WIZ: variants seen among roughly 807,000 people sequenced by gnomAD.
WIZ encodes the protein WIZ zinc finger, also known as protein Wiz.
WIZ carries 25 observed loss-of-function variants against 140.2 expected under a neutral mutation model. That is an observed-to-expected ratio of 0.18 (90% CI 0.13 to 0.25). The LOEUF is 0.25. Among genes scored for constraint, WIZ ranks in the 10% least tolerant of loss-of-function variants. The probability of loss-of-function intolerance (pLI) is 1.00; values close to 1 mark genes in which losing one functional copy is unlikely to be tolerated. For synonymous variants in WIZ, 1,125 were observed against 1,154.3 expected, an observed-to-expected ratio of 0.97 and a Z score of 0.51; for missense variants, 2,231 against 2,632.6, an observed-to-expected ratio of 0.85 and a Z score of 3.34.
intron 10 of WIZ, 78 bp from the exon 11 acceptor site, chr19:15,425,110 T>A: frequency 6.6e-7 from 1 of 1,507,682 alleles, no homozygotes; most frequent in South Asian, 1.3e-5. Context: ...CCAGGCCAGG[T>A]GCCAATCCCG....
At position 15,429,667 on chromosome 19, in the gene WIZ, G is replaced by A; in HGVS notation, c.3334C>T (p.Pro1112Ser). The A allele has an allele frequency of 3.5e-6, 5 of 1,427,858 alleles. No homozygotes were observed. Among genetic ancestry groups the A allele is most frequent in the Non-Finnish European group, 3.7e-6 (4 of 1,094,074 alleles). 88.4% of individuals were successfully genotyped at this position (1,427,858 alleles called of 1,614,324 possible). Residue 1112 changes from proline (P) to serine (S), a missense_variant, in exon 7 of 13, where the codon CCC becomes TCC. This residue lies in a region of WIZ where 163 missense variants were observed against 166.8 expected (regional missense o/e 0.98). Coordinates refer to ENST00000673675, the MANE Select transcript of WIZ (RefSeq NM_001371589.1). Reference sequence around the variant, plus strand: ...GGCCGGGGGCTCAGGGACAGCTGGGGGCTCTTGTCCTCAGGATTCTTAGGG... The same window carrying A: ...GGCCGGGGGCTCAGGGACAGCTGGGAGCTCTTGTCCTCAGGATTCTTAGGG... The part of the protein sequence containing the change: ...PTPKNPEDKS[P>S]QLSLSPRPAS...
chr19:15,431,599 G>GCAGGGAGC (rs914073628), intron 5 of WIZ, among the ~76,000 whole-genome samples: 6 of 152,138 alleles, frequency 3.9e-5, no homozygotes, highest in African/African-American at 7.2e-5. Context: ...CCACACAGAG[G>GCAGGGAGC]CAGGGAGCCA....
rs1430700552 is a variant in WIZ at position 15,448,088 on chromosome 19, G to C, written c.205+15C>G. ...GCTGGATGCTCCCTGGGGGCCACAC[G>C]GCCCATTCTCTTACCAGAGATGCCA... On this transcript the variant is annotated intron_variant, in intron 2 of 12. Transcript: ENST00000673675. The C allele has an allele frequency of 1.9e-6, 3 of 1,611,324 alleles. No individual in the cohort carries two copies. In the African/African-American group the frequency reaches 4.0e-5, roughly 22 times the overall value.
Position 15,427,966 on chromosome 19 carries a change from C to A in WIZ, c.3814+144G>T. Reference sequence around the variant, plus strand: ...AGAGAGAGGGCCTAGCAGCCCACTGCCAACAAGATCTCTGGGCAGAACCGG... The same window carrying A: ...AGAGAGAGGGCCTAGCAGCCCACTGACAACAAGATCTCTGGGCAGAACCGG... On this transcript the variant is annotated intron_variant, in intron 8 of 12. Transcript: ENST00000673675. The surrounding 1 kb of genome is among the most constrained non-coding windows in gnomAD (Gnocchi z 6.4). 8.0e-7 allele frequency: 1 copy of A among 1,250,108 alleles called. No homozygotes were observed. Among genetic ancestry groups the A allele is most frequent in the Non-Finnish European group, 1.1e-6 (1 of 930,354 alleles). 77.4% of individuals were successfully genotyped at this position (1,250,108 alleles called of 1,614,324 possible).
At position 15,420,075 on chromosome 19, in the gene WIZ, C is replaced by T. The variant is rs992431466; in HGVS notation, c.*3001G>A. 2.0e-5 allele frequency: 3 copies of T among 152,160 alleles called. No homozygotes were observed. Among genetic ancestry groups the T allele is most frequent in the Non-Finnish European group, 2.9e-5 (2 of 68,044 alleles). The allele number at this position is 152,160 out of a possible 1,614,324, so 9.4% of individuals were successfully genotyped here. ...CATTTACAACGTTGAGAGAAACATACTGAAATACTAAGAAGTTAACTGATC... is the reference window on the plus strand; with the variant it reads ...CATTTACAACGTTGAGAGAAACATATTGAAATACTAAGAAGTTAACTGATC... On this transcript the variant is annotated 3_prime_UTR_variant, in exon 13 of 13. Coordinates refer to ENST00000673675, the MANE Select transcript of WIZ (RefSeq NM_001371589.1).
Position 15,448,085 on chromosome 19 carries a change from C to T in WIZ, c.205+18G>A, listed in dbSNP as rs749149631. The T allele has an allele frequency of 1.9e-6, 3 of 1,611,288 alleles. No homozygotes were observed. Among genetic ancestry groups the T allele is most frequent in the Non-Finnish European group, 2.5e-6 (3 of 1,178,724 alleles). ...TGGGCTGGATGCTCCCTGGGGGCCA[C>T]ACGGCCCATTCTCTTACCAGAGATG... On this transcript the variant is annotated intron_variant, in intron 2 of 12. Transcript: ENST00000673675.
intron 5 of WIZ, among the ~76,000 whole-genome samples, chr19:15,432,708 G>A (rs1303578992): frequency 6.6e-6 from 1 of 150,770 alleles, no homozygotes; most frequent in Non-Finnish European, 1.5e-5. Flanking sequence ...CGGCCATCTT[G>A]GCTCCGGCGC....
intron 4 of WIZ, 124 bp from the exon 5 acceptor site, chr19:15,437,253 T>C: frequency 1.1e-6 from 1 of 917,294 alleles, no homozygotes; most frequent in Non-Finnish European, 1.6e-6. Context: ...CTTTTGCTCC[T>C]GCCTGCTCCT....
rs1188766522 is a variant in WIZ, at chr19:15,438,607, C to A, written c.2387G>T (p.Arg796Met). Reference protein sequence around the residue: ...SAEEVKAIERRFSFQKKKKKV... With the variant: ...SAEEVKAIERMFSFQKKKKKV... ...TTTCTTCTTCTTCTGGAAGGAGAACCTGCGCTCAATGGCCTTCACCTCCTC... is the reference window on the plus strand; with the variant it reads ...TTTCTTCTTCTTCTGGAAGGAGAACATGCGCTCAATGGCCTTCACCTCCTC... Residue 796 changes from arginine (R) to methionine (M), a missense_variant, in exon 4 of 13, where the codon AGG becomes ATG. Physicochemically the swap from Arg to Met is moderately conservative, Grantham distance 91. Around this residue, in one of 15 missense-constraint regions of WIZ, gnomAD observed 118 missense variants for 209.1 expected, o/e 0.56. Coordinates refer to ENST00000673675, the MANE Select transcript of WIZ (RefSeq NM_001371589.1). The A allele has an allele frequency of 1.3e-6, 2 of 1,516,568 alleles. No individual in the cohort carries two copies. The highest frequency in any genetic ancestry group is 2.8e-5 in the African/African-American group (2 of 72,634). 93.9% of individuals were successfully genotyped at this position (1,516,568 alleles called of 1,614,324 possible).
Position 15,440,136 on chromosome 19 carries a change from G to C in WIZ, c.858C>G (p.Thr286=). 6.5e-7 allele frequency: 1 copy of C among 1,532,746 alleles called. No homozygotes were observed. Among genetic ancestry groups the C allele is most frequent in the Non-Finnish European group, 8.7e-7 (1 of 1,145,342 alleles). The allele number at this position is 1,532,746 out of a possible 1,614,324, so 94.9% of individuals were successfully genotyped here. ...CCAGCAGCTCACACAGGTAGGGCCC[G>C]GTCCGGATCGGGGGCAGTAGCGGCT... ...RLQPLLPPIR[T]GPYLCELLEE... The change falls in exon 4 of 13, where the codon ACC becomes ACG. Residue 286 remains threonine (T), a synonymous_variant. Coordinates refer to ENST00000673675, the MANE Select transcript of WIZ (RefSeq NM_001371589.1). This position sits in a 1 kb window ranked among gnomAD's most constrained non-coding sequence, Gnocchi z 6.2.
At chr19:15,443,583 C>A (rs919156186) in intron 2 of WIZ, among the ~76,000 whole-genome samples, 11 of 152,194 alleles carry the variant, frequency 7.2e-5, no homozygotes, top group African/African-American at 2.4e-4. Flanking sequence ...TCTCTGACCG[C>A]CTAACTCAAA....
At chr19:15,433,893 C>T (rs899547718) in intron 5 of WIZ, among the ~76,000 whole-genome samples, 10 of 152,222 alleles carry the variant, frequency 6.6e-5, no homozygotes, top group Non-Finnish European at 1.3e-4. Context: ...TTCAAGTGGG[C>T]TTGTGAGTGG....
In WIZ at chr19:15,429,697, G is replaced by A. The variant is rs1969094139; in HGVS notation, c.3304C>T (p.Pro1102Ser). ...KKTPLALAGSPTPKNPEDKSP... is the reference protein window; with the variant it reads ...KKTPLALAGSSTPKNPEDKSP... ...TTGTCCTCAGGATTCTTAGGGGTAG[G>A]GGAGCCCGCCAGGGCCAGTGGTGTC... The change falls in exon 7 of 13, where the codon CCT becomes TCT. Residue 1102 changes from proline (P) to serine (S), a missense_variant. Transcript: ENST00000673675. The A allele has an allele frequency of 6.9e-7, 1 of 1,442,512 alleles. No individual in the cohort carries two copies. The highest frequency in any genetic ancestry group is 1.4e-5 in the South Asian group (1 of 69,286). 89.4% of individuals were successfully genotyped at this position (1,442,512 alleles called of 1,614,324 possible).
At position 15,440,277 on chromosome 19, in the gene WIZ, A is replaced by G. The variant is rs1448182552; in HGVS notation, c.717T>C (p.Asp239=). Residue 239 remains aspartate, a synonymous_variant, in exon 4 of 13, where the codon GAT becomes GAC. Coordinates refer to ENST00000673675, the MANE Select transcript of WIZ (RefSeq NM_001371589.1). The surrounding 1 kb of genome is among the most constrained non-coding windows in gnomAD (Gnocchi z 6.2). ...GGGCCAGCCCCTCCAGGTCCTCCAG[A>G]TCTTCTCTGCCACCCACCACCGCCA... ...LDMAVVGGRE[D]LEDLEGLAQP... is the part of the protein sequence containing the mutation. The G allele has an allele frequency of 6.7e-7, 1 of 1,491,514 alleles. No homozygotes were observed. Among genetic ancestry groups the G allele is most frequent in the Admixed American group, 2.2e-5 (1 of 45,564 alleles). The allele number at this position is 1,491,514 out of a possible 1,614,324, so 92.4% of individuals were successfully genotyped here.
chr19:15,447,097 C>T (rs1161584469), intron 2 of WIZ, among the ~76,000 whole-genome samples: 2 of 152,318 alleles, frequency 1.3e-5, no homozygotes, highest in Non-Finnish European at 2.9e-5. Flanking sequence ...CCACAGGGTT[C>T]TTTGGAGAAT....
chr19:15,440,399 C>T lies in WIZ; in HGVS notation c.595G>A (p.Ala199Thr), dbSNP rs573655923. Residue 199 changes from alanine to threonine, a missense_variant, in exon 4 of 13, where the codon GCA becomes ACA. Transcript: ENST00000673675. The surrounding 1 kb of genome is among the most constrained non-coding windows in gnomAD (Gnocchi z 6.2). ...DEDEQGSPQD[A>T]GLHLDLPAQP... The stretch of plus-strand genomic sequence containing the variant: ...GCAGGCAGGTCCAAGTGCAGCCCTG[C>T]GTCCTGGGGGGATCCCTGCTCGTCC... 2.3e-4 allele frequency: 354 copies of T among 1,534,794 alleles called. 1 individual carries two copies. In the African/African-American group the frequency reaches 4.0e-3, roughly 18 times the overall value.
intron 1 of WIZ, among the ~76,000 whole-genome samples, chr19:15,448,605 C>G (rs527645723): frequency 2.6e-5 from 4 of 152,202 alleles, no homozygotes; most frequent in South Asian, 2.1e-4. Context: ...AGATCCTGCA[C>G]TGCCTCAGTT....
chr19:15,442,602 G>A lies in WIZ; in HGVS notation c.278+74C>T, dbSNP rs1599709545. 1 of 1,097,814 alleles carries A rather than the reference G, an allele frequency of 9.1e-7. No homozygotes were observed. Among genetic ancestry groups the A allele is most frequent in the Non-Finnish European group, 1.2e-6 (1 of 865,662 alleles). 68.0% of individuals were successfully genotyped at this position (1,097,814 alleles called of 1,614,324 possible). A position where few individuals can be genotyped will look rare whatever the true frequency, so the allele number is the denominator to read the frequency against. On this transcript the variant is annotated intron_variant, in intron 3 of 12. Transcript: ENST00000673675. This position sits in a 1 kb window ranked among gnomAD's most constrained non-coding sequence, Gnocchi z 5.5. ...TCCTGTCCCCTTCTCATTCCCCAGG[G>A]GCTTATCTGAGGCCTGGGCATGTCC...
intron 5 of WIZ, among the ~76,000 whole-genome samples, 151 bp from the exon 6 acceptor site, chr19:15,431,333 CA>C (rs888382981): frequency 3.9e-5 from 6 of 152,226 alleles, no homozygotes; most frequent in Non-Finnish European, 5.9e-5. Context: ...CCATAACCCC[CA>C]GCACCAGTCC....
Sources: allele counts gnomAD v4.1 joint callset (sites outside exome capture counted in the v4.1 genomes callset), GRCh38; gene constraint gnomAD v4.1.1; regional missense constraint gnomAD v4.1.1; non-coding constraint Gnocchi (gnomAD v3.1); transcripts MANE v1.5; gene names NCBI Gene and HGNC (gene_info 2026-07-23, HGNC 2026-07-21).